Variants in TANC1 observed in about 807,000 individuals in gnomAD.
The protein encoded by TANC1 is protein TANC1.
Under a neutral mutation model 149.7 loss-of-function variants are expected in TANC1, and 77 were observed. The observed-to-expected ratio is 0.51, with a 90% CI of 0.43 to 0.62. The LOEUF (loss-of-function observed/expected upper bound fraction) is 0.62. TANC1 is among the 20% of genes least tolerant of loss of function. The pLI is 0.00. For synonymous variants in TANC1, 854 were observed against 925.0 expected (o/e 0.92, Z 1.39); for missense variants, 1,985 against 2,321.8 (o/e 0.85, Z 2.98).
intron 1 of TANC1, among the ~76,000 whole-genome samples, chr2:158,980,715 C>A (rs1250183688): frequency 6.7e-6 from 1 of 149,902 alleles, no homozygotes; most frequent in Admixed American, 6.7e-5. Flanking sequence ...ACGGAGCTTG[C>A]AGTGAGCCGA....
chr2:159,099,502 A>G (rs1190940195), intron 4 of TANC1, among the ~76,000 whole-genome samples: 1 of 151,696 alleles, frequency 6.6e-6, no homozygotes. Flanking sequence ...TTGACCAAAA[A>G]AAAAAACAAA....
In TANC1 at chr2:159,150,369, G is replaced by T; in HGVS notation, c.496-1G>T. ...AACTCCTCCTTCCATTCATCTTGCA[G>T]TGCACAGCTCTGAGTCAAGGCATCA... is the stretch of plus-strand genomic sequence containing the variant. On this transcript the variant is annotated splice_acceptor_variant, in intron 6 of 26. Transcript: ENST00000263635. LOFTEE classifies it high-confidence loss of function. The T allele has an allele frequency of 4.3e-6, 7 of 1,613,750 alleles. No individual in the cohort carries two copies. Among genetic ancestry groups the T allele is most frequent in the Non-Finnish European group, 5.9e-6 (7 of 1,179,864 alleles).
Position 159,011,527 on chromosome 2 carries a change from A to ATT in TANC1, c.-16+10360_-16+10361dup, listed in dbSNP as rs10586189. Among the ~76,000 whole-genome samples the ATT allele has an allele frequency of 3.9e-3, 415 of 106,730 alleles. 5 individuals carry two copies. In the East Asian group the frequency reaches 0.044, roughly 11 times the overall value. 70.0% of individuals were successfully genotyped at this position (106,730 alleles called of 152,430 possible). ...ATGTGGAATTCAAATTACACCTTAA[A>ATT]TTTTTTTTTTTTTTTTTTTTTTTGC... On this transcript the variant is annotated intron_variant, in intron 2 of 26. Transcript: ENST00000263635.
At chr2:159,221,646 G>GAAGCTGAAGGACA (rs2059715033) in intron 22 of TANC1, among the ~76,000 whole-genome samples, 1 of 152,152 alleles carries the variant, frequency 6.6e-6, no homozygotes, top group Non-Finnish European at 1.5e-5. Context: ...CTTCATCCAT[G>GAAGCTGAAGGACA]TTGTGGCTAA....
chr2:159,201,112 C>G (rs1187119961), intron 19 of TANC1, among the ~76,000 whole-genome samples: 1 of 152,140 alleles, frequency 6.6e-6, no homozygotes, highest in African/African-American at 2.4e-5. Context: ...ATCCACCTTG[C>G]CTTCTCTGCA....
At chr2:159,190,591 G>A (rs1221787386) in intron 16 of TANC1, among the ~76,000 whole-genome samples, 1 of 151,844 alleles carries the variant, frequency 6.6e-6, no homozygotes, top group African/African-American at 2.4e-5. Flanking sequence ...TGCTCTTGTT[G>A]CCCAGGCTGG....
At chr2:159,208,810 C>T (rs192133721) in intron 19 of TANC1, among the ~76,000 whole-genome samples, 1 of 152,336 alleles carries the variant, frequency 6.6e-6, no homozygotes, top group Non-Finnish European at 1.5e-5. Flanking sequence ...CTGAGAGATG[C>T]ATCCTTAGGC....
intron 3 of TANC1, among the ~76,000 whole-genome samples, chr2:159,090,590 T>A (rs1208665225): frequency 6.6e-6 from 1 of 152,206 alleles, no homozygotes; most frequent in Non-Finnish European, 1.5e-5. Flanking sequence ...GAATTCAAGC[T>A]GCAGTGTGTT....
chr2:159,219,285 C>A lies in TANC1; in HGVS notation c.3426C>A (p.Asp1142Glu). Reference protein sequence around the residue: ...LERGCDVNLSDKQGRTPLMVA... With the variant: ...LERGCDVNLSEKQGRTPLMVA... ...GCGGCTGTGATGTGAACCTAAGTGA[C>A]AAGCAAGGCCGGACGCCCCTCATGG... is the stretch of plus-strand genomic sequence containing the variant. The change falls in exon 21 of 27, where the codon GAC becomes GAA. Residue 1142 changes from aspartate (D) to glutamate (E), a missense_variant. Around this residue, in one of 3 missense-constraint regions of TANC1, gnomAD observed 920 missense variants for 994.7 expected, o/e 0.92. Coordinates refer to ENST00000263635, the MANE Select transcript of TANC1 (RefSeq NM_033394.3). 1 of 1,614,128 alleles carries A rather than the reference C, an allele frequency of 6.2e-7. No individual in the cohort carries two copies. Among genetic ancestry groups the A allele is most frequent in the Non-Finnish European group, 8.5e-7 (1 of 1,180,034 alleles).
At chr2:159,182,502 C>T (rs1389991608) in intron 14 of TANC1, among the ~76,000 whole-genome samples, 3 of 152,082 alleles carry the variant, frequency 2.0e-5, no homozygotes, top group Non-Finnish European at 2.9e-5. Flanking sequence ...AAAATGCATT[C>T]GATTATCTCT....
chr2:159,229,963 T>TC lies in TANC1; in HGVS notation c.4540dup (p.Leu1514ProfsTer100). The TC allele has an allele frequency of 6.2e-7, 1 of 1,613,988 alleles. No homozygotes were observed. Among genetic ancestry groups the TC allele is most frequent in the Non-Finnish European group, 8.5e-7 (1 of 1,180,022 alleles). ...ACAGAGCAGGGCAGGAATCGGCAAG[T>TC]CCCTGAGAGAGCCTGTGGCCCAGCC... On this transcript the variant is annotated frameshift_variant, in exon 27 of 27. Coordinates refer to ENST00000263635, the MANE Select transcript of TANC1 (RefSeq NM_033394.3). LOFTEE classifies it low-confidence loss of function (END_TRUNC).
At chr2:159,215,382 A>T (rs1012914813) in intron 19 of TANC1, among the ~76,000 whole-genome samples, 16 of 152,180 alleles carry the variant, frequency 1.1e-4, no homozygotes, top group African/African-American at 3.1e-4. Context: ...TTGCAGGGAG[A>T]TAACAGGTTT....
intron 2 of TANC1, among the ~76,000 whole-genome samples, chr2:159,058,520 T>G (rs1217977871): frequency 6.6e-6 from 1 of 152,196 alleles, no homozygotes; most frequent in African/African-American, 2.4e-5. Context: ...GGGGGATTTG[T>G]GGAGTTCAAC....
intron 11 of TANC1, 47 bp from the exon 12 acceptor site, chr2:159,174,906 C>A: frequency 7.0e-7 from 1 of 1,421,446 alleles, no homozygotes; most frequent in Non-Finnish European, 9.9e-7. Flanking sequence ...GCAGAAGGAG[C>A]TGTGTGAAGA....
At chr2:159,115,529 G>A (rs2048160498) in intron 4 of TANC1, among the ~76,000 whole-genome samples, 1 of 152,148 alleles carries the variant, frequency 6.6e-6, no homozygotes, top group Admixed American at 6.5e-5. Flanking sequence ...CAAGGCAGGG[G>A]CTTCCTAGTC....
intron 7 of TANC1, among the ~76,000 whole-genome samples, chr2:159,160,000 A>G (rs1254971766): frequency 6.6e-6 from 1 of 152,210 alleles, no homozygotes; most frequent in Non-Finnish European, 1.5e-5. Context: ...ATTCAAAAAA[A>G]AGAAAAGTGT....
Position 159,230,270 on chromosome 2 carries a change from G to A in TANC1, c.4844G>A (p.Gly1615Asp). 1 of 1,614,000 alleles carries A rather than the reference G, an allele frequency of 6.2e-7. No individual in the cohort carries two copies. The highest frequency in any genetic ancestry group is 8.5e-7 in the Non-Finnish European group (1 of 1,180,034). The change falls in exon 27 of 27, where the codon GGC (glycine) becomes GAC (aspartate). Residue 1615 changes from glycine to aspartate, a missense_variant. Coordinates refer to ENST00000263635, the MANE Select transcript of TANC1 (RefSeq NM_033394.3). The surrounding 1 kb of genome is among the most constrained non-coding windows in gnomAD (Gnocchi z 4.4). ...GTCCGCCTGCAGTGTGGTGAGAATGGCCCTGCACACCCTTTACCAAGTAAG... is the reference window on the plus strand; with the variant it reads ...GTCCGCCTGCAGTGTGGTGAGAATGACCCTGCACACCCTTTACCAAGTAAG... Reference protein sequence around the residue: ...QNVRLQCGENGPAHPLPSKTK... With the variant: ...QNVRLQCGENDPAHPLPSKTK...
At chr2:159,159,636 T>C (rs1003849895) in intron 7 of TANC1, among the ~76,000 whole-genome samples, 7 of 151,958 alleles carry the variant, frequency 4.6e-5, no homozygotes, top group Non-Finnish European at 1.0e-4. Flanking sequence ...AAATACGCTG[T>C]ATGTATAATC....
chr2:158,983,468 C>CAAAAAAAAAAAAAAAAAAAAAAAAAAAAA (rs35472970), intron 1 of TANC1, among the ~76,000 whole-genome samples: 1 of 88,832 alleles, frequency 1.1e-5, no homozygotes, highest in Admixed American at 1.4e-4. Flanking sequence ...CTCCGTCTCC[C>CAAAAAAAAAAAAAAAAAAAAAAAAAAAAA]AAAAAAAAAA....
Sources: allele counts gnomAD v4.1 joint callset (sites outside exome capture counted in the v4.1 genomes callset), GRCh38; gene constraint gnomAD v4.1.1; regional missense constraint gnomAD v4.1.1; non-coding constraint Gnocchi (gnomAD v3.1); transcripts MANE v1.5; gene names NCBI Gene and HGNC (gene_info 2026-07-23, HGNC 2026-07-21).